VAV3: variants seen among roughly 807,000 people sequenced by gnomAD.
VAV3 encodes the protein vav guanine nucleotide exchange factor 3.
A neutral mutation model predicts 131.2 loss-of-function variants in VAV3; 94 were observed. That is an observed-to-expected ratio of 0.72 (90% confidence interval 0.61 to 0.85). The LOEUF is 0.85. VAV3 is among the 40% of genes least tolerant of loss of function. The pLI is 0.00. For missense variants in VAV3, 939 were observed against 1,002.7 expected (o/e 0.94, Z 0.86); for synonymous variants, 349 against 342.0 (o/e 1.02, Z -0.22).
chr1:107,964,929 G>C lies in VAV3; in HGVS notation c.-60C>G, dbSNP rs528290139. 1.6e-6 allele frequency: 2 copies of C among 1,214,768 alleles called. No homozygotes were observed. Among genetic ancestry groups the C allele is most frequent in the African/African-American group, 3.2e-5 (2 of 62,944 alleles). 75.2% of individuals were successfully genotyped at this position (1,214,768 alleles called of 1,614,324 possible). On this transcript the variant is annotated 5_prime_UTR_variant, in exon 1 of 27. Transcript: ENST00000370056. Reference sequence around the variant, plus strand: ...GGGCGGCAAGGATGCGGCCGCCGCCGCCGCCGCCGCGGTTCCTCCGCGCCC... The same window carrying C: ...GGGCGGCAAGGATGCGGCCGCCGCCCCCGCCGCCGCGGTTCCTCCGCGCCC...
chr1:107,789,277 G>A (rs1666167110), intron 2 of VAV3, among the ~76,000 whole-genome samples: 1 of 152,220 alleles, frequency 6.6e-6, no homozygotes. Flanking sequence ...AAAGATCACT[G>A]CTTCCTGAAT....
chr1:107,582,428 A>G (rs1292986253), intron 25 of VAV3, among the ~76,000 whole-genome samples: 1 of 152,106 alleles, frequency 6.6e-6, no homozygotes, highest in East Asian at 1.9e-4. Context: ...TTTTATTATT[A>G]TACTTTAAGT....
intron 1 of VAV3, among the ~76,000 whole-genome samples, chr1:107,901,981 T>A (rs750028417): frequency 2.6e-5 from 4 of 151,712 alleles, no homozygotes; most frequent in Non-Finnish European, 5.9e-5. Context: ...AGGCGGAGGT[T>A]GCAGTTAGCC....
At chr1:107,668,903 A>C (rs1657589590) in intron 19 of VAV3, 1 of 986,396 alleles carries the variant, frequency 1.0e-6, no homozygotes, top group African/African-American at 1.7e-5. Flanking sequence ...GGCATGCTGT[A>C]ACAGTTAGTT....
intron 2 of VAV3, chr1:107,820,664 G>A (rs747520981): frequency 2.0e-5 from 3 of 152,036 alleles, no homozygotes; most frequent in Non-Finnish European, 4.4e-5. Context: ...GTCGACAGAT[G>A]CCCCATTTAC....
chr1:107,856,991 A>T (rs1669503249), intron 2 of VAV3, among the ~76,000 whole-genome samples: 2 of 152,108 alleles, frequency 1.3e-5, no homozygotes, highest in Admixed American at 6.5e-5. Context: ...GTGAGTTAGG[A>T]TTGCACCATT....
chr1:107,595,492 A>T (rs1651303669), intron 25 of VAV3, among the ~76,000 whole-genome samples: 1 of 151,758 alleles, frequency 6.6e-6, no homozygotes, highest in South Asian at 2.1e-4. Context: ...ACACTTATTT[A>T]AAAAAAATAA....
At chr1:107,820,722 G>A (rs1194779238) in intron 2 of VAV3, 1 of 152,014 alleles carries the variant, frequency 6.6e-6, no homozygotes, top group South Asian at 2.1e-4. Context: ...AATATCTCAT[G>A]TACCCCATAA....
chr1:107,696,624 A>C (rs1466343127), intron 17 of VAV3, among the ~76,000 whole-genome samples: 1 of 152,156 alleles, frequency 6.6e-6, no homozygotes, highest in Non-Finnish European at 1.5e-5. Context: ...AAGCTCTGTA[A>C]AGTATGGGTG....
At chr1:107,835,151 G>A (rs766804474) in intron 2 of VAV3, among the ~76,000 whole-genome samples, 1 of 152,176 alleles carries the variant, frequency 6.6e-6, no homozygotes, top group Non-Finnish European at 1.5e-5. Context: ...CATCTGTACT[G>A]CATGCTCCCC....
intron 1 of VAV3, among the ~76,000 whole-genome samples, chr1:107,925,585 G>A (rs1673110584): frequency 1.3e-5 from 2 of 152,048 alleles, no homozygotes; most frequent in Admixed American, 6.6e-5. Flanking sequence ...AGTCACAAGT[G>A]CACAAATGTA....
chr1:107,817,248 C>T (rs1381720399), intron 2 of VAV3, among the ~76,000 whole-genome samples: 3 of 152,004 alleles, frequency 2.0e-5, no homozygotes, highest in African/African-American at 7.2e-5. Context: ...TGGGGAACCT[C>T]GCAGAGAAGG....
chr1:107,938,491 A>G (rs1673832510), intron 1 of VAV3, among the ~76,000 whole-genome samples: 1 of 152,172 alleles, frequency 6.6e-6, no homozygotes, highest in African/African-American at 2.4e-5. Context: ...ACAGGTCTGT[A>G]GATAAGAAAG....
intron 24 of VAV3, 68 bp from the exon 25 acceptor site, chr1:107,596,409 A>G: frequency 6.4e-7 from 1 of 1,559,226 alleles, no homozygotes; most frequent in Admixed American, 1.7e-5. Context: ...TGAACTCCTG[A>G]GCACATAAAT....
At chr1:107,888,287 T>G (rs999768152) in intron 1 of VAV3, among the ~76,000 whole-genome samples, 4 of 152,182 alleles carry the variant, frequency 2.6e-5, no homozygotes, top group Non-Finnish European at 5.9e-5. Context: ...AATTTCTATG[T>G]AGCAATAACC....
intron 19 of VAV3, among the ~76,000 whole-genome samples, chr1:107,656,095 A>G (rs1320826885): frequency 1.3e-5 from 2 of 152,150 alleles, no homozygotes; most frequent in Non-Finnish European, 2.9e-5. Context: ...CAATTCCACT[A>G]CTGGGTATAT....
chr1:107,654,894 A>G (rs942303601), intron 19 of VAV3, among the ~76,000 whole-genome samples: 2 of 152,102 alleles, frequency 1.3e-5, no homozygotes, highest in Non-Finnish European at 1.5e-5. Context: ...AAAGTATAAT[A>G]AAAATATACA....
chr1:107,772,911 T>C (rs1216469423), intron 4 of VAV3, 68 bp from the exon 5 acceptor site: 1 of 1,317,412 alleles, frequency 7.6e-7, no homozygotes, highest in Non-Finnish European at 1.1e-6. Context: ...ACAAATAGCC[T>C]ACTGGATTTT....
At chr1:107,825,230 G>C (rs927960038) in intron 2 of VAV3, among the ~76,000 whole-genome samples, 23 of 151,998 alleles carry the variant, frequency 1.5e-4, no homozygotes, top group Admixed American at 1.3e-3. Flanking sequence ...ATGCAAACAG[G>C]GGCTGCCACA....
Sources: allele counts gnomAD v4.1 joint callset (sites outside exome capture counted in the v4.1 genomes callset), GRCh38; gene constraint gnomAD v4.1.1; transcripts MANE v1.5; gene names NCBI Gene and HGNC (gene_info 2026-07-23, HGNC 2026-07-21).